Variants in FAM210A observed in about 807,000 individuals in gnomAD.
FAM210A encodes mitochondrial inner membrane scaffold 1.
A neutral mutation model predicts 25.3 loss-of-function variants in FAM210A; 13 were observed. The observed-to-expected ratio is 0.51, with a 90% CI of 0.33 to 0.82. The LOEUF is 0.82. Among genes scored for constraint, FAM210A ranks in the 40% least tolerant of loss-of-function variants. The pLI is 0.02. For missense variants in FAM210A, 319 were observed against 323.2 expected, an observed-to-expected ratio of 0.99 and a Z score of 0.10; for synonymous variants, 125 against 118.7, an observed-to-expected ratio of 1.05 and a Z score of -0.35.
chr18:13,691,753 C>G lies in FAM210A; in HGVS notation c.-28-9648G>C, dbSNP rs549514820. 2.1e-5 allele frequency among the ~76,000 whole-genome samples: 3 copies of G among 144,308 alleles called. No homozygotes were observed. The South Asian group carries it at 7.0e-4, about 34-fold the overall frequency. The allele number at this position is 144,308 out of a possible 152,430, so 94.7% of individuals were successfully genotyped here. On this transcript the variant is annotated intron_variant, in intron 1 of 3. Coordinates refer to ENST00000651643, the MANE Select transcript of FAM210A (RefSeq NM_152352.4). The stretch of plus-strand genomic sequence containing the variant: ...GCCTTACAAGAGCTCCTGAAGGAGG[C>G]ACTAAACATGGAAAGGAACAACCAG...
chr18:13,667,990 G>A (rs2043414496), intron 3 of FAM210A, among the ~76,000 whole-genome samples: 1 of 152,216 alleles, frequency 6.6e-6, no homozygotes. Flanking sequence ...TCGAGTCTAG[G>A]AGTTCGAGGC....
chr18:13,673,223 G>A (rs1396994676), intron 2 of FAM210A, among the ~76,000 whole-genome samples: 11 of 146,110 alleles, frequency 7.5e-5, no homozygotes, highest in Admixed American at 6.2e-4. Context: ...CCAGTTTCCT[G>A]ATTATTAACA....
chr18:13,702,993 G>A (rs1692076560), intron 1 of FAM210A, among the ~76,000 whole-genome samples: 1 of 152,140 alleles, frequency 6.6e-6, no homozygotes, highest in Admixed American at 6.5e-5. Context: ...TTAATTACAA[G>A]CAGATATTCA....
At chr18:13,688,744 T>G (rs535442217) in intron 1 of FAM210A, among the ~76,000 whole-genome samples, 2 of 152,348 alleles carry the variant, frequency 1.3e-5, no homozygotes, top group East Asian at 3.9e-4. Flanking sequence ...ATGGCGGAGC[T>G]AAGGCAGCAC....
At chr18:13,718,531 A>G (rs1049136440) in intron 1 of FAM210A, among the ~76,000 whole-genome samples, 3 of 152,188 alleles carry the variant, frequency 2.0e-5, no homozygotes, top group African/African-American at 7.2e-5. Flanking sequence ...AAGGCCAAAA[A>G]AAAAAGAAAA....
At chr18:13,682,643 C>T (rs928892029) in intron 1 of FAM210A, among the ~76,000 whole-genome samples, 1 of 150,888 alleles carries the variant, frequency 6.6e-6, no homozygotes, top group Non-Finnish European at 1.5e-5. Flanking sequence ...CTGAGGCAGG[C>T]GGATCGCTTG....
chr18:13,715,840 C>T (rs1250963216), intron 1 of FAM210A, among the ~76,000 whole-genome samples: 3 of 152,068 alleles, frequency 2.0e-5, no homozygotes, highest in African/African-American at 4.8e-5. Flanking sequence ...TCCTATAATC[C>T]CCAACATAAG....
chr18:13,697,309 AAAAAACACAG>A (rs1372536802), intron 1 of FAM210A, among the ~76,000 whole-genome samples: 1 of 151,846 alleles, frequency 6.6e-6, no homozygotes, highest in Non-Finnish European at 1.5e-5. Flanking sequence ...TACAGATGGC[AAAAAACACAG>A]AAAAAGATGT....
chr18:13,700,975 A>C (rs2043735029), intron 1 of FAM210A, among the ~76,000 whole-genome samples: 1 of 152,122 alleles, frequency 6.6e-6, no homozygotes, highest in Non-Finnish European at 1.5e-5. Flanking sequence ...ATCTCCCACC[A>C]CGTGGCTACA....
intron 3 of FAM210A, 109 bp downstream of exon 3, chr18:13,671,753 C>T (rs544416356): frequency 6.2e-6 from 4 of 644,248 alleles, no homozygotes; most frequent in East Asian, 2.6e-5. Flanking sequence ...TGAAATACAG[C>T]GTTTCAAGTT....
Position 13,704,302 on chromosome 18 carries a change from G to A in FAM210A, c.-29+22027C>T, listed in dbSNP as rs555817596. Among the ~76,000 whole-genome samples, 3 of 152,216 alleles carry A rather than the reference G, an allele frequency of 2.0e-5. No individual in the cohort carries two copies. The East Asian group carries it at 5.8e-4, about 29-fold the overall frequency. On this transcript the variant is annotated intron_variant, in intron 1 of 3. Coordinates refer to ENST00000651643, the MANE Select transcript of FAM210A (RefSeq NM_152352.4). ...AAACTAAAGGTTTAAGTTGCATAAG[G>A]TTTATAAAAACTAATCTTGCAAAAA... is the stretch of plus-strand genomic sequence containing the variant.
At chr18:13,671,818 C>T (rs1301746979) in intron 3 of FAM210A, 44 bp downstream of exon 3, 1 of 1,276,010 alleles carries the variant, frequency 7.8e-7, no homozygotes, top group East Asian at 2.3e-5. Flanking sequence ...AGCAGGTCAC[C>T]ACCAGTGAGT....
intron 1 of FAM210A, among the ~76,000 whole-genome samples, chr18:13,724,879 T>G (rs2043923577): frequency 2.0e-5 from 3 of 152,216 alleles, no homozygotes; most frequent in Non-Finnish European, 4.4e-5. Context: ...GTTTAAGCGA[T>G]TCTCCTGCCT....
At chr18:13,722,049 T>A (rs1032880744) in intron 1 of FAM210A, among the ~76,000 whole-genome samples, 39 of 152,030 alleles carry the variant, frequency 2.6e-4, no homozygotes, top group African/African-American at 8.7e-4. Context: ...GGGAACTGAT[T>A]GAGGGACCAT....
At chr18:13,722,333 C>A (rs1375823496) in intron 1 of FAM210A, among the ~76,000 whole-genome samples, 2 of 151,342 alleles carry the variant, frequency 1.3e-5, no homozygotes, top group Non-Finnish European at 2.9e-5. Context: ...AGCTAAGGAC[C>A]CCCAGTCAGT....
chr18:13,720,641 T>C (rs1213442488), intron 1 of FAM210A, among the ~76,000 whole-genome samples: 1 of 152,184 alleles, frequency 6.6e-6, no homozygotes, highest in East Asian at 1.9e-4. Flanking sequence ...CAGCATAATG[T>C]CATCAATGTG....
intron 1 of FAM210A, among the ~76,000 whole-genome samples, chr18:13,709,233 G>A (rs2043803801): frequency 6.6e-6 from 1 of 152,056 alleles, no homozygotes; most frequent in South Asian, 2.1e-4. Flanking sequence ...TTTTCTTTGA[G>A]TAACAGCCGA....
At chr18:13,689,038 G>A (rs2043620749) in intron 1 of FAM210A, among the ~76,000 whole-genome samples, 3 of 152,318 alleles carry the variant, frequency 2.0e-5, no homozygotes, top group East Asian at 1.9e-4. Context: ...CACCCCTGTC[G>A]CGAGTCCTGT....
At chr18:13,674,752 C>T in intron 2 of FAM210A, among the ~76,000 whole-genome samples, 1 of 29,436 alleles carries the variant, frequency 3.4e-5, no homozygotes, top group African/African-American at 1.2e-4. Context: ...ATTAACATTC[C>T]TGAGCCCCGA....
Sources: gnomAD v4.1 joint callset for allele counts (sites outside exome capture counted in the v4.1 genomes callset) on GRCh38, gnomAD v4.1.1 for gene constraint, MANE v1.5 for transcripts, NCBI Gene and HGNC (gene_info 2026-07-23, HGNC 2026-07-21) for gene names.